Variants in PALLD observed in about 807,000 individuals in gnomAD.
PALLD encodes the protein palladin, cytoskeletal associated protein.
In PALLD, 61 loss-of-function variants were observed where a neutral mutation model predicts 123.5. The ratio of observed to expected loss-of-function variants is 0.49; its 90% CI spans 0.40 to 0.61. The LOEUF (loss-of-function observed/expected upper bound fraction) is 0.61. Among genes scored for constraint, PALLD ranks in the 20% least tolerant of loss-of-function variants. The probability of loss-of-function intolerance (pLI) is 0.00; values close to 1 mark genes in which losing one functional copy is unlikely to be tolerated. For missense variants in PALLD, 1,273 were observed against 1,377.0 expected, an observed-to-expected ratio of 0.92 and a Z score of 1.20; for synonymous variants, 465 against 496.4, an observed-to-expected ratio of 0.94 and a Z score of 0.84.
intron 10 of PALLD, among the ~76,000 whole-genome samples, chr4:168,818,732 C>CA (rs1407786583): frequency 6.6e-6 from 1 of 152,042 alleles, no homozygotes; most frequent in Non-Finnish European, 1.5e-5. Context: ...AATTTCAAAA[C>CA]AAAAAATTTA....
chr4:168,631,603 G>A, intron 2 of PALLD: 1 of 985,488 alleles, frequency 1.0e-6, no homozygotes, highest in Non-Finnish European at 1.2e-6. Context: ...GCGCCCCTCG[G>A]CGAGACGCGG....
intron 2 of PALLD, among the ~76,000 whole-genome samples, chr4:168,601,383 A>G (rs1021485941): frequency 1.6e-4 from 24 of 152,160 alleles, no homozygotes; most frequent in Non-Finnish European, 3.4e-4. Flanking sequence ...TCAGAAAGCA[A>G]TGATTCATAA....
intron 2 of PALLD, among the ~76,000 whole-genome samples, chr4:168,528,709 G>A (rs927560622): frequency 2.6e-5 from 4 of 152,188 alleles, no homozygotes; most frequent in African/African-American, 9.7e-5. Context: ...AATGATGAGT[G>A]ATTCATACAT....
chr4:168,821,896 A>AG (rs1373575350), intron 10 of PALLD, among the ~76,000 whole-genome samples: 1 of 151,870 alleles, frequency 6.6e-6, no homozygotes, highest in African/African-American at 2.4e-5. Context: ...AAAAAAAAAA[A>AG]AAAAAGTTTT....
rs144043186 is a variant in PALLD at position 168,623,992 on chromosome 4, T to A, written c.909-44198T>A. On this transcript the variant is annotated intron_variant, in intron 2 of 21. Transcript: ENST00000505667. Reference sequence around the variant, plus strand: ...TATTCAACTCTGTATCCTGAAAATATCTCCATATTATCTAACATCATTTTT... The same window carrying A: ...TATTCAACTCTGTATCCTGAAAATAACTCCATATTATCTAACATCATTTTT... Among the ~76,000 whole-genome samples the A allele has an allele frequency of 3.0e-3, 460 of 152,256 alleles. 2 individuals carry two copies. The highest frequency in any genetic ancestry group is 0.01 in the African/African-American group (430 of 41,554).
chr4:168,815,965 G>T (rs886939035), intron 10 of PALLD, among the ~76,000 whole-genome samples: 1 of 152,174 alleles, frequency 6.6e-6, no homozygotes, highest in Non-Finnish European at 1.5e-5. Flanking sequence ...ATTGCAAGAG[G>T]ATTAAAACCT....
At chr4:168,712,703 AAG>A (rs1174165057) in intron 10 of PALLD, among the ~76,000 whole-genome samples, 1 of 152,198 alleles carries the variant, frequency 6.6e-6, no homozygotes, top group Non-Finnish European at 1.5e-5. Context: ...GTGGAAATGT[AAG>A]AGTCATAGTG....
At chr4:168,710,987 A>T (rs1197312757) in intron 9 of PALLD, among the ~76,000 whole-genome samples, 1 of 152,230 alleles carries the variant, frequency 6.6e-6, no homozygotes, top group Non-Finnish European at 1.5e-5. Flanking sequence ...AAGGTGCAGA[A>T]TCTAAAAAAG....
rs1403207373 is a variant in PALLD at position 168,821,883 on chromosome 4, A to AC, written c.1965-69039_1965-69038insC. Among the ~76,000 whole-genome samples the AC allele has an allele frequency of 5.2e-4, 79 of 151,066 alleles. 1 individual carries two copies. The highest frequency in any genetic ancestry group is 1.8e-4 in the Non-Finnish European group (12 of 67,742). ...CAACAGAGCAAAACGCTGTCTCAAA[A>AC]AAAAAAAAAAAAAAAAAAGTTTTAG... On this transcript the variant is annotated intron_variant, in intron 10 of 21. Transcript: ENST00000505667.
chr4:168,578,650 A>T (rs1396041228), intron 2 of PALLD, among the ~76,000 whole-genome samples: 1 of 152,056 alleles, frequency 6.6e-6, no homozygotes, highest in African/African-American at 2.4e-5. Flanking sequence ...AAACAATAAG[A>T]CTGTGGAAAA....
chr4:168,925,516 T>C (rs913548104), intron 21 of PALLD: 6 of 509,666 alleles, frequency 1.2e-5, no homozygotes, highest in African/African-American at 5.8e-5. Context: ...CCATTGATCC[T>C]GGAATGCGTA....
At chr4:168,867,192 T>G (rs1479188527) in intron 10 of PALLD, among the ~76,000 whole-genome samples, 2 of 152,176 alleles carry the variant, frequency 1.3e-5, no homozygotes, top group African/African-American at 4.8e-5. Flanking sequence ...TTTGTAAAAA[T>G]TAAATGAGTT....
At chr4:168,911,016 A>G (rs1026657976) in intron 15 of PALLD, among the ~76,000 whole-genome samples, 3 of 152,224 alleles carry the variant, frequency 2.0e-5, no homozygotes, top group Non-Finnish European at 4.4e-5. Flanking sequence ...ATGATAACAC[A>G]GTACCAGCTA....
At chr4:168,819,490 T>G (rs1018200054) in intron 10 of PALLD, among the ~76,000 whole-genome samples, 1 of 152,126 alleles carries the variant, frequency 6.6e-6, no homozygotes, top group Non-Finnish European at 1.5e-5. Context: ...CATCAGGATC[T>G]CCTTCTAAAG....
intron 2 of PALLD, among the ~76,000 whole-genome samples, chr4:168,638,723 G>A (rs995457952): frequency 2.6e-5 from 4 of 151,626 alleles, no homozygotes; most frequent in Non-Finnish European, 5.9e-5. Flanking sequence ...GCTCCCTTGG[G>A]CCTATTTTAT....
chr4:168,891,941 G>T (rs1215366047), intron 11 of PALLD, among the ~76,000 whole-genome samples: 1 of 152,160 alleles, frequency 6.6e-6, no homozygotes, highest in Middle Eastern at 3.4e-3. Context: ...AAGAGTAAAG[G>T]CTGTTCCAAA....
intron 2 of PALLD, among the ~76,000 whole-genome samples, chr4:168,556,017 G>C (rs1186296010): frequency 2.0e-5 from 3 of 152,130 alleles, no homozygotes; most frequent in Admixed American, 2.0e-4. Flanking sequence ...TCATGGATTA[G>C]AGAGAGAAAA....
At chr4:168,516,956 T>C (rs538587710) in intron 2 of PALLD, among the ~76,000 whole-genome samples, 3 of 152,286 alleles carry the variant, frequency 2.0e-5, no homozygotes, top group East Asian at 3.9e-4. Context: ...GTATAGTTAG[T>C]GTAGAAACAT....
intron 10 of PALLD, among the ~76,000 whole-genome samples, chr4:168,863,473 C>T (rs1003916143): frequency 6.6e-6 from 1 of 152,186 alleles, no homozygotes; most frequent in Non-Finnish European, 1.5e-5. Flanking sequence ...CACCCATATT[C>T]GCCACCAAGG....
Sources: gnomAD v4.1 joint callset for allele counts (sites outside exome capture counted in the v4.1 genomes callset) on GRCh38, gnomAD v4.1.1 for gene constraint, MANE v1.5 for transcripts, NCBI Gene and HGNC (gene_info 2026-07-23, HGNC 2026-07-21) for gene names.